PRMT8: variants seen among roughly 807,000 people sequenced by gnomAD.
PRMT8 encodes the protein protein arginine N-methyltransferase 8.
A neutral mutation model predicts 47.1 loss-of-function variants in PRMT8; 7 were observed. The ratio of observed to expected loss-of-function variants is 0.15; its 90% CI spans 0.08 to 0.28. The LOEUF is 0.28. Ranked by LOEUF, PRMT8 falls within the 10% of genes least tolerant of loss-of-function variation. PRMT8 has a pLI of 1.00. For missense variants in PRMT8, 237 were observed against 505.4 expected, an observed-to-expected ratio of 0.47 and a Z score of 5.09; for synonymous variants, 188 against 186.5, an observed-to-expected ratio of 1.01 and a Z score of -0.07.
Position 3,509,945 on chromosome 12 carries a change from G to A in PRMT8, c.75+18245G>A, listed in dbSNP as rs551931332. ...GTCTCAGAAAGGGCTAGGGGAGTGA[G>A]GGCTTTGCCTGAGACAATCAAGAAT... On this transcript the variant is annotated intron_variant, in intron 1 of 9. Transcript: ENST00000382622. Among the ~76,000 whole-genome samples, 23 of 152,352 alleles carry A rather than the reference G, an allele frequency of 1.5e-4. 1 individual carries two copies. The highest frequency in any genetic ancestry group is 8.3e-4 in the South Asian group (4 of 4,826).
chr12:3,451,567 T>C (rs1196315406), intron 1 of PRMT8, among the ~76,000 whole-genome samples: 3 of 152,240 alleles, frequency 2.0e-5, no homozygotes, highest in South Asian at 4.1e-4. Context: ...CTATTTTCTC[T>C]GGTTGCTTGA....
At chr12:3,404,417 T>C (rs1407697048) in intron 1 of PRMT8, among the ~76,000 whole-genome samples, 2 of 152,198 alleles carry the variant, frequency 1.3e-5, no homozygotes, top group Non-Finnish European at 2.9e-5. Context: ...AAAACTGAAT[T>C]GTAATGGCTC....
At position 3,576,884 on chromosome 12, in the gene PRMT8, C is replaced by A; in HGVS notation, c.726C>A (p.Val242=). The A allele has an allele frequency of 1.2e-6, 2 of 1,614,076 alleles. No homozygotes were observed. The highest frequency in any genetic ancestry group is 8.5e-7 in the Non-Finnish European group (1 of 1,179,974). The stretch of plus-strand genomic sequence containing the variant: ...CTGCTCCCACAGGGTGGGAGAATGT[C>A]TATGGCTTTGACATGACCTGCATCC... The part of the protein sequence containing the change: ...KDFKIHWWEN[V]YGFDMTCIRD... Residue 242 remains valine (V), a synonymous_variant, in exon 7 of 10, where the codon GTC becomes GTA. Coordinates refer to ENST00000382622, the MANE Select transcript of PRMT8 (RefSeq NM_019854.5). The surrounding 1 kb of genome is among the most constrained non-coding windows in gnomAD (Gnocchi z 4.0).
At position 3,566,501 on chromosome 12, in the gene PRMT8, T is replaced by G. The variant is rs1246330359; in HGVS notation, c.482-2205T>G. On this transcript the variant is annotated intron_variant, in intron 4 of 9. Transcript: ENST00000382622. The surrounding 1 kb of genome is among the most constrained non-coding windows in gnomAD (Gnocchi z 4.7). ...GTAGAGTGACCAGGGTCAATGCATG[T>G]GTACAAAGTGTCTTACTCCTTGTAG... 6.6e-6 allele frequency among the ~76,000 whole-genome samples: 1 copy of G among 152,210 alleles called. No homozygotes were observed. The highest frequency in any genetic ancestry group is 2.4e-5 in the African/African-American group (1 of 41,446).
At chr12:3,505,234 AC>A (rs1213905176) in intron 1 of PRMT8, among the ~76,000 whole-genome samples, 3 of 151,850 alleles carry the variant, frequency 2.0e-5, no homozygotes, top group Non-Finnish European at 4.4e-5. Context: ...CCTCCCCAAG[AC>A]CCTATTTTTA....
At chr12:3,529,351 A>T (rs1329128146) in intron 1 of PRMT8, among the ~76,000 whole-genome samples, 1 of 151,782 alleles carries the variant, frequency 6.6e-6, no homozygotes, top group Non-Finnish European at 1.5e-5. Context: ...ATATCTCAAA[A>T]CCTATTATTT....
chr12:3,446,211 T>C (rs1381039019), intron 1 of PRMT8, among the ~76,000 whole-genome samples: 2 of 152,132 alleles, frequency 1.3e-5, no homozygotes, highest in East Asian at 3.9e-4. Context: ...TGAAATCCTT[T>C]ATGTTAGGTG....
rs532177768 is a variant in PRMT8, at chr12:3,552,541, G to C, written c.418-1110G>C. 3.4e-5 allele frequency: 11 copies of C among 328,202 alleles called. No individual in the cohort carries two copies. In the Middle Eastern group the frequency reaches 3.5e-3, roughly 103 times the overall value. The allele number at this position is 328,202 out of a possible 1,614,324, so 20.3% of individuals were successfully genotyped here. A position where few individuals can be genotyped will look rare whatever the true frequency, so the allele number is the denominator to read the frequency against. On this transcript the variant is annotated intron_variant, in intron 3 of 9. Transcript: ENST00000382622. This position sits in a 1 kb window ranked among gnomAD's most constrained non-coding sequence, Gnocchi z 4.5. ...AGATCAGATGATGACATGGCCAGAG[G>C]GGGAGAAGAAGAGGAGGGAATCACA...
intron 1 of PRMT8, among the ~76,000 whole-genome samples, chr12:3,509,208 A>C (rs1178118502): frequency 2.0e-5 from 3 of 152,054 alleles, no homozygotes; most frequent in African/African-American, 7.2e-5. Flanking sequence ...CGGGCTCAGG[A>C]GCCCCTGTGT....
At chr12:3,522,386 C>T (rs1353418251) in intron 1 of PRMT8, among the ~76,000 whole-genome samples, 1 of 152,108 alleles carries the variant, frequency 6.6e-6, no homozygotes, top group African/African-American at 2.4e-5. Context: ...CAAGCTCAGG[C>T]CGGGCGCGGT....
chr12:3,590,321 C>T (rs368764313), intron 8 of PRMT8, among the ~76,000 whole-genome samples: 1 of 152,190 alleles, frequency 6.6e-6, no homozygotes, highest in African/African-American at 2.4e-5. Context: ...CTCTTCAGTG[C>T]TGTTAAAATT....
intron 1 of PRMT8, among the ~76,000 whole-genome samples, chr12:3,523,632 A>G (rs1352960620): frequency 1.3e-5 from 2 of 152,212 alleles, no homozygotes; most frequent in Non-Finnish European, 2.9e-5. Context: ...CTAGCTCTTA[A>G]TAAGAGCGAC....
chr12:3,434,951 G>C (rs1386123091), intron 1 of PRMT8, among the ~76,000 whole-genome samples: 1 of 148,452 alleles, frequency 6.7e-6, no homozygotes, highest in Admixed American at 6.7e-5. Context: ...CCCCAGTGAA[G>C]TTTGCTTTGC....
At chr12:3,483,448 T>C in intron 1 of PRMT8, among the ~76,000 whole-genome samples, 1 of 115,774 alleles carries the variant, frequency 8.6e-6, no homozygotes, top group Non-Finnish European at 1.8e-5. Context: ...TTAACCATGA[T>C]AGTTTTTTTT....
chr12:3,468,355 A>AC, intron 1 of PRMT8, among the ~76,000 whole-genome samples: 1 of 152,322 alleles, frequency 6.6e-6, no homozygotes, highest in African/African-American at 2.4e-5. Flanking sequence ...TAGTTCTGCG[A>AC]TGTGCACAGA....
At chr12:3,527,332 A>C (rs1163482205) in intron 1 of PRMT8, among the ~76,000 whole-genome samples, 1 of 152,054 alleles carries the variant, frequency 6.6e-6, no homozygotes, top group East Asian at 1.9e-4. Context: ...TAAGTGACTA[A>C]TGGGCGGGCA....
At chr12:3,529,886 G>A (rs1366674786) in intron 1 of PRMT8, among the ~76,000 whole-genome samples, 1 of 152,146 alleles carries the variant, frequency 6.6e-6, no homozygotes, top group African/African-American at 2.4e-5. Context: ...CTGAACCATG[G>A]CATCATTACC....
chr12:3,473,483 G>A (rs1197462505), intron 1 of PRMT8, among the ~76,000 whole-genome samples: 1 of 152,014 alleles, frequency 6.6e-6, no homozygotes, highest in African/African-American at 2.4e-5. Context: ...CTTAAAGATC[G>A]GAGTTTTCCA....
intron 8 of PRMT8, among the ~76,000 whole-genome samples, chr12:3,585,372 T>TC (rs1555098720): frequency 2.8e-5 from 4 of 142,060 alleles, no homozygotes; most frequent in East Asian, 2.0e-4. Flanking sequence ...TTTTTTTTTT[T>TC]CTCAGAGACA....
Sources: gnomAD v4.1 joint callset for allele counts (sites outside exome capture counted in the v4.1 genomes callset) on GRCh38, gnomAD v4.1.1 for gene constraint, Gnocchi (gnomAD v3.1) non-coding constraint, MANE v1.5 for transcripts, NCBI Gene and HGNC (gene_info 2026-07-23, HGNC 2026-07-21) for gene names.